Variants in SPATA7 observed in about 807,000 individuals in gnomAD.
SPATA7 encodes spermatogenesis-associated protein 7.
Under a neutral mutation model 51.8 loss-of-function variants are expected in SPATA7, and 43 were observed. The observed-to-expected ratio is 0.83, with a 90% CI of 0.65 to 1.07. SPATA7 has a LOEUF of 1.07. Among genes scored for constraint, SPATA7 ranks in the 50% least tolerant of loss-of-function variants. SPATA7 has a pLI of 0.00. For missense variants in SPATA7, 683 were observed against 701.3 expected (o/e 0.97, Z 0.30); for synonymous variants, 230 against 252.8 (o/e 0.91, Z 0.86).
intron 1 of SPATA7, among the ~76,000 whole-genome samples, chr14:88,390,214 A>G (rs1336042215): frequency 2.0e-5 from 3 of 152,156 alleles, no homozygotes; most frequent in African/African-American, 7.2e-5. Flanking sequence ...TTTGACTACA[A>G]ATGAAGAAAT....
intron 4 of SPATA7, among the ~76,000 whole-genome samples, chr14:88,397,117 T>A (rs757501304): frequency 1.3e-4 from 20 of 152,296 alleles, no homozygotes; most frequent in Non-Finnish European, 2.6e-4. Flanking sequence ...CTCAAACTCC[T>A]GAGCTCAAGT....
In SPATA7 at chr14:88,438,417, G is replaced by A. The variant is rs2077152620; in HGVS notation, c.1795G>A (p.Val599Ile). 1.2e-6 allele frequency: 2 copies of A among 1,610,520 alleles called. No individual in the cohort carries two copies. Among genetic ancestry groups the A allele is most frequent in the East Asian group, 4.5e-5 (2 of 44,820 alleles). Residue 599 changes from valine to isoleucine, a missense_variant, in exon 12 of 12, where the codon GTT (valine) becomes ATT (isoleucine). Val to Ile is a conservative substitution (Grantham distance 29, BLOSUM62 3). Coordinates refer to ENST00000393545, the MANE Select transcript of SPATA7 (RefSeq NM_018418.5). Reference sequence around the variant, plus strand: ...GAGCATTGAGGACTGCCCTTTGGATGTTTAATCTTCATTAATAAATACCTC... The same window carrying A: ...GAGCATTGAGGACTGCCCTTTGGATATTTAATCTTCATTAATAAATACCTC... Reference protein sequence around the residue: ...EMSIEDCPLDV With the variant: ...EMSIEDCPLDI
At chr14:88,467,649 T>A (rs142315773) in intron 4 of SPATA7, 14 of 152,638 alleles carry the variant, frequency 9.2e-5, no homozygotes, top group African/African-American at 2.4e-4. Context: ...ACATGATTTT[T>A]AAATACAAAG....
intron 4 of SPATA7, among the ~76,000 whole-genome samples, chr14:88,399,111 A>G (rs1219981680): frequency 6.6e-6 from 1 of 152,196 alleles, no homozygotes; most frequent in African/African-American, 2.4e-5. Flanking sequence ...ATGCTAAATG[A>G]TAAATGAATA....
chr14:88,389,164 G>C (rs1477676192), intron 1 of SPATA7, among the ~76,000 whole-genome samples: 1 of 150,998 alleles, frequency 6.6e-6, no homozygotes, highest in Non-Finnish European at 1.5e-5. Flanking sequence ...AACTATGAGA[G>C]GGTAGATGAA....
Position 88,385,818 on chromosome 14 carries a change from C to G in SPATA7, c.-1C>G. On this transcript the variant is annotated 5_prime_UTR_variant, in exon 1 of 12. Transcript: ENST00000393545. ...CTGCGGCGGCTGCAAGAGGACTAAG[C>G]ATGGATGGCAGCCGGAGAGGTAAAG... 1 of 1,606,876 alleles carries G rather than the reference C, an allele frequency of 6.2e-7. No homozygotes were observed. The highest frequency in any genetic ancestry group is 1.7e-4 in the Middle Eastern group (1 of 6,028).
chr14:88,387,098 T>A (rs2075601376), intron 1 of SPATA7, among the ~76,000 whole-genome samples: 1 of 152,192 alleles, frequency 6.6e-6, no homozygotes, highest in Non-Finnish European at 1.5e-5. Context: ...AAGCAAAAGA[T>A]CACAAATAAC....
chr14:88,412,068 A>G (rs535445186), intron 4 of SPATA7, among the ~76,000 whole-genome samples: 3 of 152,238 alleles, frequency 2.0e-5, no homozygotes, highest in East Asian at 3.9e-4. Flanking sequence ...TCTGGCTGGT[A>G]TGAAATAGTA....
intron 1 of SPATA7, among the ~76,000 whole-genome samples, chr14:88,388,589 G>A (rs776428012): frequency 6.6e-6 from 1 of 152,112 alleles, no homozygotes; most frequent in Non-Finnish European, 1.5e-5. Context: ...TTTCATAAAA[G>A]AGTAACTATA....
chr14:88,430,689 A>C (rs562073177), intron 8 of SPATA7, among the ~76,000 whole-genome samples: 5 of 152,308 alleles, frequency 3.3e-5, no homozygotes, highest in South Asian at 4.1e-4. Flanking sequence ...TACCTAGAAA[A>C]GTAGTTTAAA....
intron 4 of SPATA7, chr14:88,468,400 A>G: frequency 1.2e-6 from 1 of 815,082 alleles, no homozygotes; most frequent in Non-Finnish European, 1.9e-6. Flanking sequence ...TCTTCTAGAA[A>G]TAAGCCATGA....
Position 88,438,177 on chromosome 14 carries a change from A to C in SPATA7, c.1555A>C (p.Thr519Pro), listed in dbSNP as rs767550919. 9 of 1,613,596 alleles carry C rather than the reference A, an allele frequency of 5.6e-6. No homozygotes were observed. In the African/African-American group the frequency reaches 1.2e-4, roughly 22 times the overall value. ...TGATGAAACAAATCTTGAAACTTCA[A>C]CTTTGGATGAAAATCATCCAAGTAT... is the stretch of plus-strand genomic sequence containing the variant. ...VNDETNLETS[T>P]LDENHPSISD... The change falls in exon 12 of 12, where the codon ACT becomes CCT. Residue 519 changes from threonine (T) to proline (P), a missense_variant. Thr to Pro is a conservative substitution (Grantham distance 38). Transcript: ENST00000393545.
chr14:88,468,660 C>G (rs1377392863), intron 4 of SPATA7, among the ~76,000 whole-genome samples: 2 of 152,082 alleles, frequency 1.3e-5, no homozygotes, highest in Non-Finnish European at 2.9e-5. Flanking sequence ...ATTCTGAGCT[C>G]AAATTTGAAA....
chr14:88,413,872 T>C (rs1398275387), intron 4 of SPATA7, among the ~76,000 whole-genome samples: 1 of 152,180 alleles, frequency 6.6e-6, no homozygotes, highest in East Asian at 1.9e-4. Flanking sequence ...TTGCATATGT[T>C]GAACCAGCCT....
chr14:88,408,840 G>T (rs138462849), intron 4 of SPATA7, among the ~76,000 whole-genome samples: 5,348 of 152,176 alleles, frequency 0.035, 296 homozygotes, highest in African/African-American at 0.12. Context: ...TTTGTCAAAG[G>T]CCTTTTCTGC....
chr14:88,391,263 T>C, intron 1 of SPATA7, 118 bp from the exon 2 acceptor site: 1 of 933,294 alleles, frequency 1.1e-6, no homozygotes, highest in Non-Finnish European at 1.6e-6. Context: ...GCAATCACCT[T>C]TTAGGAAAGA....
At chr14:88,458,475 T>G (rs1199674335), downstream of SPATA7, among the ~76,000 whole-genome samples, 1 of 152,166 alleles carries the variant, frequency 6.6e-6, no homozygotes, top group Non-Finnish European at 1.5e-5. Flanking sequence ...GTCGAGGAAT[T>G]TATCCATTTC....
At chr14:88,395,085 G>A (rs768821478) in intron 3 of SPATA7, among the ~76,000 whole-genome samples, 1 of 151,662 alleles carries the variant, frequency 6.6e-6, no homozygotes, top group African/African-American at 2.4e-5. Context: ...GTTAAAATTC[G>A]TATTCTGGAG....
At position 88,385,683 on chromosome 14, in the gene SPATA7, T is replaced by G; in HGVS notation, c.-136T>G. 1.2e-6 allele frequency: 1 copy of G among 851,806 alleles called. No homozygotes were observed. Among genetic ancestry groups the G allele is most frequent in the Non-Finnish European group, 1.9e-6 (1 of 515,548 alleles). 52.8% of individuals were successfully genotyped at this position (851,806 alleles called of 1,614,324 possible). ...CTGGACCCAGCCCTTAGCAACGGCCTGGCAACGGTTTCCCTGCTGCTGCAG... is the reference window on the plus strand; with the variant it reads ...CTGGACCCAGCCCTTAGCAACGGCCGGGCAACGGTTTCCCTGCTGCTGCAG... On this transcript the variant is annotated 5_prime_UTR_variant, in exon 1 of 12. Coordinates refer to ENST00000393545, the MANE Select transcript of SPATA7 (RefSeq NM_018418.5).
Sources: allele counts gnomAD v4.1 joint callset (sites outside exome capture counted in the v4.1 genomes callset), GRCh38; gene constraint gnomAD v4.1.1; transcripts MANE v1.5; gene names NCBI Gene and HGNC (gene_info 2026-07-23, HGNC 2026-07-21).